RNGTT: variants seen among roughly 807,000 people sequenced by gnomAD.
RNGTT encodes the protein RNA guanylyltransferase and 5'-phosphatase.
RNGTT carries 33 observed loss-of-function variants against 79.3 expected under a neutral mutation model. That is an observed-to-expected ratio of 0.42 (90% CI 0.32 to 0.56). The LOEUF (loss-of-function observed/expected upper bound fraction) is 0.56. Among genes scored for constraint, RNGTT ranks in the 20% least tolerant of loss-of-function variants. The pLI, the probability that RNGTT is intolerant of heterozygous loss-of-function variation, is 0.17. For missense variants in RNGTT, 497 were observed against 739.1 expected (o/e 0.67, Z 3.80); for synonymous variants, 222 against 235.9 (o/e 0.94, Z 0.54).
At chr6:88,874,219 T>A (rs1028509526) in intron 8 of RNGTT, among the ~76,000 whole-genome samples, 32 of 152,140 alleles carry the variant, frequency 2.1e-4, no homozygotes, top group Non-Finnish European at 2.9e-4. Flanking sequence ...ATATGTAAAA[T>A]ACAGCATTCT....
chr6:88,741,356 G>A (rs909672899), intron 13 of RNGTT, among the ~76,000 whole-genome samples: 1 of 152,080 alleles, frequency 6.6e-6, no homozygotes, highest in African/African-American at 2.4e-5. Flanking sequence ...CGAATACCAC[G>A]TGTTCTCACT....
chr6:88,623,305 A>G (rs1220172637), intron 14 of RNGTT, among the ~76,000 whole-genome samples: 1 of 152,100 alleles, frequency 6.6e-6, no homozygotes, highest in Non-Finnish European at 1.5e-5. Flanking sequence ...GATCTAACTC[A>G]TTTCCAAGCT....
chr6:88,751,038 A>G (rs1166603822), intron 13 of RNGTT, among the ~76,000 whole-genome samples: 1 of 152,188 alleles, frequency 6.6e-6, no homozygotes, highest in Non-Finnish European at 1.5e-5. Context: ...GTTTGCACAT[A>G]GATGGTTTTC....
chr6:88,906,119 C>G (rs1783645745), intron 5 of RNGTT, among the ~76,000 whole-genome samples: 2 of 152,020 alleles, frequency 1.3e-5, no homozygotes. Flanking sequence ...TACACTCCAG[C>G]CTGGATGACA....
At chr6:88,708,358 C>T (rs532709635) in intron 13 of RNGTT, among the ~76,000 whole-genome samples, 1 of 152,194 alleles carries the variant, frequency 6.6e-6, no homozygotes, top group East Asian at 1.9e-4. Context: ...TGACCATTGT[C>T]CCAAGAGTAA....
intron 13 of RNGTT, among the ~76,000 whole-genome samples, chr6:88,685,983 G>A (rs1775264162): frequency 6.6e-6 from 1 of 150,424 alleles, no homozygotes; most frequent in Admixed American, 6.7e-5. Flanking sequence ...AGGTTTAGAG[G>A]GAAAAAAGCT....
At chr6:88,800,590 T>C (rs969974237) in intron 12 of RNGTT, among the ~76,000 whole-genome samples, 3 of 152,172 alleles carry the variant, frequency 2.0e-5, no homozygotes, top group Non-Finnish European at 2.9e-5. Flanking sequence ...TCCTATAGAG[T>C]AAGTAGCTCT....
At chr6:88,721,338 G>C (rs773679552) in intron 13 of RNGTT, among the ~76,000 whole-genome samples, 7 of 151,926 alleles carry the variant, frequency 4.6e-5, no homozygotes, top group African/African-American at 7.3e-5. Context: ...ATTACATTTT[G>C]GTTGATGATC....
At chr6:88,840,419 C>G (rs1208692590) in intron 11 of RNGTT, among the ~76,000 whole-genome samples, 1 of 152,118 alleles carries the variant, frequency 6.6e-6, no homozygotes, top group Non-Finnish European at 1.5e-5. Flanking sequence ...TATTTCGAGA[C>G]AGTGTCCCAC....
At chr6:88,900,056 C>T (rs1331672554) in intron 6 of RNGTT, among the ~76,000 whole-genome samples, 2 of 151,670 alleles carry the variant, frequency 1.3e-5, no homozygotes, top group East Asian at 1.9e-4. Flanking sequence ...AGAAAGATAA[C>T]ATGACCAGAG....
At chr6:88,960,666 T>C (rs1322587503) in intron 1 of RNGTT, among the ~76,000 whole-genome samples, 1 of 152,226 alleles carries the variant, frequency 6.6e-6, no homozygotes, top group African/African-American at 2.4e-5. Flanking sequence ...CTGAAATCTA[T>C]TAACTCAGAA....
chr6:88,851,792 A>C (rs1449821922), intron 9 of RNGTT, among the ~76,000 whole-genome samples: 1 of 146,694 alleles, frequency 6.8e-6, no homozygotes, highest in African/African-American at 2.7e-5. Context: ...TTTAATTAAC[A>C]AAAAAAAACA....
At chr6:88,638,149 A>C (rs998440289) in intron 14 of RNGTT, among the ~76,000 whole-genome samples, 14 of 152,168 alleles carry the variant, frequency 9.2e-5, no homozygotes, top group Admixed American at 3.9e-4. Flanking sequence ...GCAAAAAAGC[A>C]CAAGAGCCAA....
intron 4 of RNGTT, among the ~76,000 whole-genome samples, chr6:88,919,684 T>A (rs1416489804): frequency 6.7e-6 from 1 of 149,818 alleles, no homozygotes; most frequent in Non-Finnish European, 1.5e-5. Flanking sequence ...AATTATTTGA[T>A]CAGTCTAATT....
intron 11 of RNGTT, among the ~76,000 whole-genome samples, chr6:88,812,403 A>C (rs12200224): frequency 0.091 from 13,814 of 152,228 alleles, 680 homozygotes; most frequent in African/African-American, 0.1. Context: ...AGTCAACCAC[A>C]TCCTCATGGA....
intron 7 of RNGTT, 104 bp from the exon 8 acceptor site, chr6:88,890,700 C>T (rs1207473740): frequency 3.2e-6 from 2 of 623,574 alleles, no homozygotes; most frequent in Non-Finnish European, 5.4e-6. Context: ...CAATGTTCTC[C>T]CTATGATGAG....
intron 11 of RNGTT, among the ~76,000 whole-genome samples, chr6:88,817,552 C>T (rs1427737456): frequency 8.0e-6 from 1 of 125,032 alleles, no homozygotes; most frequent in East Asian, 2.5e-4. Context: ...ACTAAATATA[C>T]ACACAACACA....
At chr6:88,953,113 C>A (rs1237211655) in intron 1 of RNGTT, among the ~76,000 whole-genome samples, 3 of 152,048 alleles carry the variant, frequency 2.0e-5, no homozygotes, top group South Asian at 4.1e-4. Context: ...TGGATCCAAA[C>A]CAGGAAGAAA....
At chr6:88,733,260 A>T (rs1263008864) in intron 13 of RNGTT, among the ~76,000 whole-genome samples, 1 of 152,068 alleles carries the variant, frequency 6.6e-6, no homozygotes, top group East Asian at 1.9e-4. Flanking sequence ...ACTTGGAAGA[A>T]GGCTGAGGTG....
Sources: gnomAD v4.1 joint callset for allele counts (sites outside exome capture counted in the v4.1 genomes callset) on GRCh38, gnomAD v4.1.1 for gene constraint, MANE v1.5 for transcripts, NCBI Gene and HGNC (gene_info 2026-07-23, HGNC 2026-07-21) for gene names.